N4BP1: variants seen among roughly 807,000 people sequenced by gnomAD.
N4BP1 encodes the protein NEDD4 binding protein 1.
N4BP1 carries 21 observed loss-of-function variants against 70.9 expected under a neutral mutation model. The observed-to-expected ratio is 0.30, with a 90% CI of 0.21 to 0.43. The LOEUF is 0.43. N4BP1 is among the 20% of genes least tolerant of loss of function. The pLI is 1.00. For missense variants in N4BP1, 936 were observed against 1,069.4 expected, an observed-to-expected ratio of 0.88 and a Z score of 1.74; for synonymous variants, 387 against 394.6, an observed-to-expected ratio of 0.98 and a Z score of 0.23.
intron 1 of N4BP1, among the ~76,000 whole-genome samples, chr16:48,582,035 T>C (rs932175360): frequency 2.6e-5 from 4 of 152,132 alleles, no homozygotes; most frequent in Admixed American, 1.3e-4. Flanking sequence ...GAGAAAATAT[T>C]TGCAAACTAT....
At chr16:48,580,668 C>A (rs1270373931) in intron 1 of N4BP1, among the ~76,000 whole-genome samples, 1 of 152,068 alleles carries the variant, frequency 6.6e-6, no homozygotes, top group African/African-American at 2.4e-5. Flanking sequence ...AACACAGATA[C>A]AAAAACCTTC....
At chr16:48,548,837 C>CAAAA (rs34869645) in intron 4 of N4BP1, among the ~76,000 whole-genome samples, 1 of 71,744 alleles carries the variant, frequency 1.4e-5, no homozygotes, top group African/African-American at 4.6e-5. Flanking sequence ...GAGACTGCTT[C>CAAAA]AAAAAAAAAA....
intron 4 of N4BP1, among the ~76,000 whole-genome samples, chr16:48,550,105 T>C (rs558579376): frequency 4.6e-5 from 7 of 152,360 alleles, no homozygotes; most frequent in Admixed American, 6.5e-5. Flanking sequence ...CTGTTACTTA[T>C]GCACACGTCT....
chr16:48,595,154 G>C (rs1597111832), intron 1 of N4BP1, among the ~76,000 whole-genome samples: 1 of 152,080 alleles, frequency 6.6e-6, no homozygotes, highest in African/African-American at 2.4e-5. Context: ...TGCTTAAAAT[G>C]TTGCTGATCC....
rs150913820 is a variant in N4BP1, at chr16:48,605,784, A to G, written c.198+3991T>C. On this transcript the variant is annotated intron_variant, in intron 1 of 6. Transcript: ENST00000262384. ...AAATGTAAATTTCTCATGTCCCCCT[A>G]ACTCTTCCACGACTCTCCACTGACT... Among the ~76,000 whole-genome samples, 7 of 152,198 alleles carry G rather than the reference A, an allele frequency of 4.6e-5. No individual in the cohort carries two copies. In the East Asian group the frequency reaches 1.4e-3, roughly 29 times the overall value.
chr16:48,550,529 A>G (rs1284747649), intron 4 of N4BP1, among the ~76,000 whole-genome samples: 6 of 152,102 alleles, frequency 3.9e-5, no homozygotes, highest in Admixed American at 6.6e-5. Flanking sequence ...ACAAAACAAA[A>G]TATTTAAAAG....
chr16:48,555,478 T>C (rs1597093565), intron 2 of N4BP1, among the ~76,000 whole-genome samples: 1 of 152,202 alleles, frequency 6.6e-6, no homozygotes, highest in Non-Finnish European at 1.5e-5. Flanking sequence ...CTCCTCTTTT[T>C]AAAGGCTATT....
intron 1 of N4BP1, among the ~76,000 whole-genome samples, chr16:48,578,884 T>C (rs1359605120): frequency 5.3e-5 from 8 of 152,242 alleles, no homozygotes; most frequent in African/African-American, 1.7e-4. Context: ...ATTTAAACTA[T>C]AGCATTTATC....
At position 48,561,005 on chromosome 16, in the gene N4BP1, T is replaced by C. The variant is rs34545922; in HGVS notation, c.1638A>G (p.Leu546=). 6,929 of 1,614,004 alleles carry C rather than the reference T, an allele frequency of 4.3e-3. 233 individuals carry two copies. In the African/African-American group the frequency reaches 0.073, roughly 17 times the overall value. Residue 546 remains leucine, a synonymous_variant, in exon 2 of 7, where the codon TTA becomes TTG. Transcript: ENST00000262384. The part of the protein sequence containing the change: ...NNMKSACEKR[L]GCCSSPHSKP... ...TAGAATGAGGAGAACTACAACATCCTAAACGTTTTTCACAGGCAGATTTCA... is the reference window on the plus strand; with the variant it reads ...TAGAATGAGGAGAACTACAACATCCCAAACGTTTTTCACAGGCAGATTTCA...
chr16:48,552,973 G>T (rs917852406), intron 3 of N4BP1, among the ~76,000 whole-genome samples: 1 of 152,162 alleles, frequency 6.6e-6, no homozygotes, highest in East Asian at 1.9e-4. Context: ...TATTTTTCCA[G>T]GCCCTCTGAT....
intron 1 of N4BP1, among the ~76,000 whole-genome samples, chr16:48,596,965 A>G (rs1244965223): frequency 1.3e-5 from 2 of 152,192 alleles, no homozygotes; most frequent in Non-Finnish European, 2.9e-5. Context: ...ACCCAGTCCC[A>G]TAATCTGACT....
rs1178594290 is a variant in N4BP1 at position 48,539,037 on chromosome 16, G to C, written c.*3867C>G. On this transcript the variant is annotated 3_prime_UTR_variant, in exon 7 of 7. Transcript: ENST00000262384. Reference sequence around the variant, plus strand: ...GGGAGAAGGGCATCTCTAGCGGAGAGAGGTCCATCTGCAGAGCCCACAGGT... The same window carrying C: ...GGGAGAAGGGCATCTCTAGCGGAGACAGGTCCATCTGCAGAGCCCACAGGT... 2 of 152,304 alleles carry C rather than the reference G, an allele frequency of 1.3e-5. No homozygotes were observed. The highest frequency in any genetic ancestry group is 2.9e-5 in the Non-Finnish European group (2 of 68,100). The allele number at this position is 152,304 out of a possible 1,614,324, so 9.4% of individuals were successfully genotyped here.
chr16:48,580,694 GCCTTCTC>G (rs1158331812), intron 1 of N4BP1, among the ~76,000 whole-genome samples: 2 of 152,006 alleles, frequency 1.3e-5, no homozygotes, highest in Non-Finnish European at 2.9e-5. Flanking sequence ...AATATAGTTG[GCCTTCTC>G]TATCTGTGGT....
Position 48,560,921 on chromosome 16 carries a change from A to T in N4BP1, c.1722T>A (p.Val574=). The T allele has an allele frequency of 6.2e-7, 1 of 1,614,022 alleles. No homozygotes were observed. Among genetic ancestry groups the T allele is most frequent in the Non-Finnish European group, 8.5e-7 (1 of 1,179,886 alleles). ...AAGGTCCTGCCGACCTTGCATCAGT[A>T]ACCGAAGGTAACAGCTGGGGCAGTG... ...PMPLPQLLPS[V]TDARSAGPSD... is the part of the protein sequence containing the mutation. Residue 574 remains valine, a synonymous_variant, in exon 2 of 7, where the codon GTT becomes GTA. Transcript: ENST00000262384.
intron 2 of N4BP1, among the ~76,000 whole-genome samples, chr16:48,554,480 T>C (rs1463381039): frequency 6.6e-6 from 1 of 152,134 alleles, no homozygotes; most frequent in Non-Finnish European, 1.5e-5. Flanking sequence ...TAAATTTTAC[T>C]CTCCAGCAGT....
chr16:48,567,587 G>A (rs780221711), intron 1 of N4BP1, among the ~76,000 whole-genome samples: 1 of 152,066 alleles, frequency 6.6e-6, no homozygotes, highest in East Asian at 1.9e-4. Flanking sequence ...CCAAAGTGCT[G>A]GGATTACAGG....
chr16:48,593,700 T>C (rs1166926934), intron 1 of N4BP1, among the ~76,000 whole-genome samples: 7 of 152,176 alleles, frequency 4.6e-5, no homozygotes, highest in Non-Finnish European at 2.9e-5. Context: ...ACTGAATAGA[T>C]TTGTAAAATG....
intron 1 of N4BP1, among the ~76,000 whole-genome samples, chr16:48,572,432 G>A (rs182791111): frequency 2.0e-5 from 3 of 152,132 alleles, no homozygotes; most frequent in Admixed American, 2.0e-4. Context: ...ATGGGGGAGG[G>A]GGGACAGGCA....
At chr16:48,588,840 C>T (rs996841531) in intron 1 of N4BP1, among the ~76,000 whole-genome samples, 2 of 152,028 alleles carry the variant, frequency 1.3e-5, no homozygotes, top group African/African-American at 4.8e-5. Context: ...GTATATACAA[C>T]CCCTGAGGTA....
Sources: allele counts gnomAD v4.1 joint callset (sites outside exome capture counted in the v4.1 genomes callset), GRCh38; gene constraint gnomAD v4.1.1; transcripts MANE v1.5; gene names NCBI Gene and HGNC (gene_info 2026-07-23, HGNC 2026-07-21).